ZNF37A: variants seen among roughly 807,000 people sequenced by gnomAD.
ZNF37A encodes the protein zinc finger protein 37a (KOX 21).
A neutral mutation model predicts 12.3 loss-of-function variants in ZNF37A; 10 were observed. The ratio of observed to expected loss-of-function variants is 0.82; its 90% CI spans 0.50 to 1.38. The LOEUF (loss-of-function observed/expected upper bound fraction) is 1.38. Ranked by LOEUF, ZNF37A falls within the 40% of genes most tolerant of loss-of-function variation. ZNF37A has a pLI of 0.00. For missense variants in ZNF37A, 580 were observed against 651.2 expected, an observed-to-expected ratio of 0.89 and a Z score of 1.19; for synonymous variants, 207 against 223.0, an observed-to-expected ratio of 0.93 and a Z score of 0.64.
At chr10:38,139,752 C>G (rs936548179) in intron 7 of ZNF37A, 1 of 152,130 alleles carries the variant, frequency 6.6e-6, no homozygotes, top group Non-Finnish European at 1.5e-5. Flanking sequence ...CTTCAAGCCT[C>G]TGAAAATATT....
intron 1 of ZNF37A, 57 bp from the exon 2 acceptor site, chr10:38,094,874 C>CG (rs1564904779): frequency 6.6e-6 from 1 of 152,262 alleles, no homozygotes; most frequent in Non-Finnish European, 1.5e-5. Flanking sequence ...ACCCTGCAGG[C>CG]GCGGACTCCA....
chr10:38,108,101 G>A (rs1183648790), intron 5 of ZNF37A, among the ~76,000 whole-genome samples: 1 of 152,042 alleles, frequency 6.6e-6, no homozygotes, highest in Non-Finnish European at 1.5e-5. Context: ...CACATAATTG[G>A]AAGTAAAACA....
chr10:38,107,422 C>T (rs1480969587), intron 5 of ZNF37A, among the ~76,000 whole-genome samples: 16 of 152,102 alleles, frequency 1.1e-4, no homozygotes, highest in Non-Finnish European at 2.1e-4. Flanking sequence ...TAAAGACCAT[C>T]GATACTATGA....
At chr10:38,115,048 C>T in intron 6 of ZNF37A, 147 bp from the exon 7 acceptor site, 1 of 1,203,788 alleles carries the variant, frequency 8.3e-7, no homozygotes. Flanking sequence ...CCTCTGCCCC[C>T]ATGACAGGAT....
intron 5 of ZNF37A, among the ~76,000 whole-genome samples, chr10:38,112,620 A>G (rs1348336172): frequency 6.8e-6 from 1 of 146,256 alleles, no homozygotes; most frequent in Non-Finnish European, 1.5e-5. Flanking sequence ...TCCTGGATTT[A>G]TCTATATTTT....
chr10:38,121,834 G>A lies in ZNF37A; in HGVS notation c.*2997G>A, dbSNP rs1315881950. The A allele has an allele frequency of 6.6e-6, 1 of 152,118 alleles. No homozygotes were observed. The highest frequency in any genetic ancestry group is 1.5e-5 in the Non-Finnish European group (1 of 68,036). The allele number at this position is 152,118 out of a possible 1,614,324, so 9.4% of individuals were successfully genotyped here. A position where few individuals can be genotyped will look rare whatever the true frequency, so the allele number is the denominator to read the frequency against. On this transcript the variant is annotated 3_prime_UTR_variant, in exon 8 of 8. Coordinates refer to ENST00000685332, the MANE Select transcript of ZNF37A (RefSeq NM_001324250.3). ...TAACAGTAAGCACACCAACTGCCAA[G>A]TTATTAGTTCCTAAATACTATCCAC... is the stretch of plus-strand genomic sequence containing the variant.
rs2474571 is a variant in ZNF37A, at chr10:38,095,711, T to G, written c.-105-33T>G. 62,596 of 152,086 alleles carry G rather than the reference T, an allele frequency of 0.41. 13,075 individuals are homozygous for G. The highest frequency in any genetic ancestry group is 0.5 in the East Asian group (2,573 of 5,158). 9.4% of individuals were successfully genotyped at this position (152,086 alleles called of 1,614,324 possible). ...AGGAAACGAGCTTAACGTGTTAAGTTACTGATGACATTGACACATTTTGTT... is the reference window on the plus strand; with the variant it reads ...AGGAAACGAGCTTAACGTGTTAAGTGACTGATGACATTGACACATTTTGTT... On this transcript the variant is annotated intron_variant, in intron 3 of 7. Transcript: ENST00000685332.
chr10:38,132,866 A>G (rs1458689255), intron 7 of ZNF37A, among the ~76,000 whole-genome samples: 1 of 151,810 alleles, frequency 6.6e-6, no homozygotes, highest in African/African-American at 2.4e-5. Flanking sequence ...GACTTTAAGT[A>G]GAGCACTGAA....
In ZNF37A at chr10:38,120,830, T is replaced by C. The variant is rs1027120969; in HGVS notation, c.*1993T>C. The C allele has an allele frequency of 2.7e-4, 41 of 152,258 alleles. 1 individual carries two copies. The highest frequency in any genetic ancestry group is 7.3e-5 in the Non-Finnish European group (5 of 68,062). The allele number at this position is 152,258 out of a possible 1,614,324, so 9.4% of individuals were successfully genotyped here. A position where few individuals can be genotyped will look rare whatever the true frequency, so the allele number is the denominator to read the frequency against. On this transcript the variant is annotated 3_prime_UTR_variant, in exon 8 of 8. Transcript: ENST00000685332. ...AAATTTCCAGATGTCTCATGCTGCA[T>C]AGGGCAGGAGCCTGAAAAGCTAATT... is the stretch of plus-strand genomic sequence containing the variant.
intron 5 of ZNF37A, among the ~76,000 whole-genome samples, chr10:38,104,787 C>T (rs1390534793): frequency 6.6e-6 from 1 of 151,774 alleles, no homozygotes; most frequent in Non-Finnish European, 1.5e-5. Flanking sequence ...CACACACACA[C>T]ACAGAAATAC....
In ZNF37A at chr10:38,119,274, T is replaced by C; in HGVS notation, c.*437T>C. The C allele has an allele frequency of 9.5e-7, 1 of 1,049,482 alleles. No individual in the cohort carries two copies. Among genetic ancestry groups the C allele is most frequent in the South Asian group, 3.8e-5 (1 of 26,304 alleles). 65.0% of individuals were successfully genotyped at this position (1,049,482 alleles called of 1,614,324 possible). On this transcript the variant is annotated 3_prime_UTR_variant, in exon 8 of 8. Transcript: ENST00000685332. ...TTCATCAGAAGTCAGCTCTAATTGTTCACCACAGAACTCATATAAGACAGA... is the reference window on the plus strand; with the variant it reads ...TTCATCAGAAGTCAGCTCTAATTGTCCACCACAGAACTCATATAAGACAGA...
chr10:38,136,757 C>G (rs1564387589), intron 7 of ZNF37A, among the ~76,000 whole-genome samples: 2 of 152,192 alleles, frequency 1.3e-5, no homozygotes, highest in Admixed American at 1.3e-4. Context: ...TCTGTCTTCT[C>G]CTACTGGGAT....
At chr10:38,104,456 G>GTTTTTT (rs1491239433) in intron 5 of ZNF37A, among the ~76,000 whole-genome samples, 1 of 144,864 alleles carries the variant, frequency 6.9e-6, no homozygotes. Flanking sequence ...ATGCTGAGAG[G>GTTTTTT]TGTTTTTTGT....
chr10:38,128,316 G>A (rs2069958688), downstream of ZNF37A, among the ~76,000 whole-genome samples: 1 of 152,082 alleles, frequency 6.6e-6, no homozygotes, highest in African/African-American at 2.4e-5. Context: ...GGGTTATGGT[G>A]TTAAGCAAAA....
chr10:38,142,860 C>T (rs1177049732), intron 7 of ZNF37A: 1 of 152,214 alleles, frequency 6.6e-6, no homozygotes, highest in Non-Finnish European at 1.5e-5. Context: ...ACATAATTTA[C>T]ATGCATGAAG....
At chr10:38,132,422 T>C (rs770516450) in intron 7 of ZNF37A, among the ~76,000 whole-genome samples, 1 of 152,164 alleles carries the variant, frequency 6.6e-6, no homozygotes, top group Non-Finnish European at 1.5e-5. Flanking sequence ...TATATTTGTA[T>C]TGAACCACCC....
intron 5 of ZNF37A, among the ~76,000 whole-genome samples, chr10:38,109,046 G>T (rs2068396817): frequency 6.6e-6 from 1 of 152,022 alleles, no homozygotes; most frequent in Non-Finnish European, 1.5e-5. Flanking sequence ...AAAATTCCAG[G>T]CCAATATCCC....
Position 38,112,783 on chromosome 10 carries a change from T to TCTTGTCTTGTCTTG in ZNF37A, c.16-1972_16-1971insCTTGTCTTGTCTTG, listed in dbSNP as rs1564932429. 5.4e-3 allele frequency among the ~76,000 whole-genome samples: 310 copies of TCTTGTCTTGTCTTG among 57,842 alleles called. 11 individuals are homozygous for TCTTGTCTTGTCTTG. The highest frequency in any genetic ancestry group is 0.015 in the African/African-American group (240 of 16,280). 37.9% of individuals were successfully genotyped at this position (57,842 alleles called of 152,430 possible). A position where few individuals can be genotyped will look rare whatever the true frequency, so the allele number is the denominator to read the frequency against. On this transcript the variant is annotated intron_variant, in intron 5 of 7. Coordinates refer to ENST00000685332, the MANE Select transcript of ZNF37A (RefSeq NM_001324250.3). ...TTCTTTTCTTTTCTTTTCTTTTCTT[T>TCTTGTCTTGTCTTG]TCTTTTCTTTTCTTGTCTTGTCTTG...
At chr10:38,129,448 TG>T (rs1417941545), downstream of ZNF37A, among the ~76,000 whole-genome samples, 1 of 152,102 alleles carries the variant, frequency 6.6e-6, no homozygotes, top group African/African-American at 2.4e-5. Flanking sequence ...GAGTAGTCCC[TG>T]GTGTCTGCTG....
Sources: allele counts gnomAD v4.1 joint callset (sites outside exome capture counted in the v4.1 genomes callset), GRCh38; gene constraint gnomAD v4.1.1; transcripts MANE v1.5; gene names NCBI Gene and HGNC (gene_info 2026-07-23, HGNC 2026-07-21).